PDE10A: variants seen among roughly 807,000 people sequenced by gnomAD.
PDE10A encodes the protein cAMP and cAMP-inhibited cGMP 3',5'-cyclic phosphodiesterase 10A.
In PDE10A, 39 loss-of-function variants were observed where a neutral mutation model predicts 97.7. The ratio of observed to expected loss-of-function variants is 0.40; its 90% CI spans 0.31 to 0.52. PDE10A has a LOEUF of 0.52. Among genes scored for constraint, PDE10A ranks in the 20% least tolerant of loss-of-function variants. The pLI is 0.56. For synonymous variants in PDE10A, 371 were observed against 376.8 expected (o/e 0.98, Z 0.18); for missense variants, 731 against 1,047.8 (o/e 0.70, Z 4.17).
chr6:165,470,549 G>A (rs1377879383), intron 3 of PDE10A, among the ~76,000 whole-genome samples: 3 of 152,144 alleles, frequency 2.0e-5, no homozygotes, highest in Non-Finnish European at 4.4e-5. Context: ...AAAATTAAAA[G>A]CCAGATTTTC....
intron 1 of PDE10A, among the ~76,000 whole-genome samples, chr6:165,727,468 T>C (rs1255850356): frequency 6.6e-6 from 1 of 152,286 alleles, no homozygotes; most frequent in East Asian, 1.9e-4. Context: ...CTGTTCCTCC[T>C]CCTTCCTCTC....
chr6:165,420,831 G>C (rs746127680), intron 10 of PDE10A, among the ~76,000 whole-genome samples: 1 of 152,048 alleles, frequency 6.6e-6, no homozygotes, highest in African/African-American at 2.4e-5. Flanking sequence ...ACAAATTCCC[G>C]TACAATTTAT....
chr6:165,585,314 G>A (rs1785843846), intron 1 of PDE10A, among the ~76,000 whole-genome samples: 1 of 152,186 alleles, frequency 6.6e-6, no homozygotes. Flanking sequence ...GTGATGGCCA[G>A]TTTTATGTGG....
rs183714354 is a variant in PDE10A at position 165,381,106 on chromosome 6, T to C, written c.2611-1740A>G. 4.5e-4 allele frequency among the ~76,000 whole-genome samples: 68 copies of C among 152,358 alleles called. No homozygotes were observed. The East Asian group carries it at 0.011, about 25-fold the overall frequency. On this transcript the variant is annotated intron_variant, in intron 17 of 21. Coordinates refer to ENST00000539869, the MANE Select transcript of PDE10A (RefSeq NM_001385079.1). ...AATTATAATATATAAAATATTCTAG[T>C]CTGCTGTTGACATTTAAAAAGAAAT...
chr6:165,350,285 G>T (rs1175159166), intron 18 of PDE10A, among the ~76,000 whole-genome samples: 1 of 152,210 alleles, frequency 6.6e-6, no homozygotes, highest in Non-Finnish European at 1.5e-5. Context: ...GTGAGACATG[G>T]AGTTGAAGTA....
intron 1 of PDE10A, among the ~76,000 whole-genome samples, chr6:165,743,991 G>C (rs971646252): frequency 2.0e-5 from 3 of 152,174 alleles, no homozygotes; most frequent in Admixed American, 2.0e-4. Context: ...CTTAAGCGGA[G>C]AGTGACTGTG....
chr6:165,753,700 T>A (rs1793056665), intron 1 of PDE10A, among the ~76,000 whole-genome samples: 1 of 152,184 alleles, frequency 6.6e-6, no homozygotes, highest in Admixed American at 6.5e-5. Flanking sequence ...TTGGATAACA[T>A]CCTTTAAGTG....
intron 2 of PDE10A, among the ~76,000 whole-genome samples, chr6:165,540,901 A>T (rs1783398723): frequency 1.3e-5 from 2 of 152,142 alleles, no homozygotes. Flanking sequence ...AAGTGTTGGG[A>T]TTATAGGCAT....
intron 1 of PDE10A, among the ~76,000 whole-genome samples, chr6:165,938,036 A>G (rs1247518996): frequency 1.3e-5 from 2 of 152,176 alleles, no homozygotes; most frequent in East Asian, 1.9e-4. Flanking sequence ...CCTTTCCTCT[A>G]CAAAGACTTC....
At chr6:165,960,369 G>A (rs111588997) in intron 1 of PDE10A, among the ~76,000 whole-genome samples, 2 of 152,294 alleles carry the variant, frequency 1.3e-5, no homozygotes, top group African/African-American at 4.8e-5. Context: ...GCAGAAGCAC[G>A]TGGAGGCCTG....
At chr6:165,659,172 C>T (rs765259176) in intron 1 of PDE10A, among the ~76,000 whole-genome samples, 20 of 152,088 alleles carry the variant, frequency 1.3e-4, no homozygotes, top group Non-Finnish European at 2.1e-4. Context: ...ACATGATTTG[C>T]TTTCGATGGT....
chr6:165,830,174 A>G (rs138751508), intron 1 of PDE10A, among the ~76,000 whole-genome samples: 92 of 152,336 alleles, frequency 6.0e-4, no homozygotes, highest in Middle Eastern at 3.4e-3. Flanking sequence ...ACAAGCTACA[A>G]TGAAAATAGA....
intron 1 of PDE10A, among the ~76,000 whole-genome samples, chr6:165,716,642 G>A (rs1011189384): frequency 3.3e-5 from 5 of 152,148 alleles, no homozygotes; most frequent in African/African-American, 1.2e-4. Context: ...GGAGAAGAAT[G>A]GAAGAACTTT....
At chr6:165,440,751 TTAAC>T (rs372232357) in intron 5 of PDE10A, among the ~76,000 whole-genome samples, 63 of 152,256 alleles carry the variant, frequency 4.1e-4, no homozygotes, top group Admixed American at 1.8e-3. Context: ...AAACAACTGT[TTAAC>T]TAACTTATCA....
chr6:165,410,653 T>C (rs925824937), intron 13 of PDE10A, among the ~76,000 whole-genome samples: 64 of 152,140 alleles, frequency 4.2e-4, no homozygotes, highest in African/African-American at 1.5e-3. Flanking sequence ...ACAGGACCTT[T>C]CAAGTGCAGA....
chr6:165,922,171 C>A (rs937272975), intron 1 of PDE10A, among the ~76,000 whole-genome samples: 1 of 152,152 alleles, frequency 6.6e-6, no homozygotes, highest in Non-Finnish European at 1.5e-5. Flanking sequence ...CATGGGATCT[C>A]CATCATCTGA....
Position 165,423,308 on chromosome 6 carries a change from A to G in PDE10A, c.1654-4531T>C, listed in dbSNP as rs191372610. ...TTGATGTTTTCAGATCAGAAAGGAA[A>G]TATAAAGTACCTACAAATTTATAAA... On this transcript the variant is annotated intron_variant, in intron 10 of 21. Transcript: ENST00000539869. Among the ~76,000 whole-genome samples, 660 of 152,336 alleles carry G rather than the reference A, an allele frequency of 4.3e-3. 8 individuals carry two copies. Among genetic ancestry groups the G allele is most frequent in the Non-Finnish European group, 4.3e-3 (295 of 68,032 alleles).
At chr6:165,471,450 C>T (rs1384688287) in intron 3 of PDE10A, among the ~76,000 whole-genome samples, 1 of 152,080 alleles carries the variant, frequency 6.6e-6, no homozygotes, top group Non-Finnish European at 1.5e-5. Context: ...TTTACCTAAA[C>T]TCCAGTCTCA....
chr6:165,538,340 A>G (rs1359821588), intron 2 of PDE10A, among the ~76,000 whole-genome samples: 1 of 152,134 alleles, frequency 6.6e-6, no homozygotes, highest in African/African-American at 2.4e-5. Context: ...TTATAGGTAC[A>G]ATGATAGTGA....
Sources: gnomAD v4.1 joint callset for allele counts (sites outside exome capture counted in the v4.1 genomes callset) on GRCh38, gnomAD v4.1.1 for gene constraint, MANE v1.5 for transcripts, NCBI Gene and HGNC (gene_info 2026-07-23, HGNC 2026-07-21) for gene names.